Variants in PDE8B observed in about 807,000 individuals in gnomAD.
PDE8B encodes the protein phosphodiesterase 8B, also known as high affinity cAMP-specific and IBMX-insensitive 3',5'-cyclic phosphodiesterase 8B.
Under a neutral mutation model 101.3 loss-of-function variants are expected in PDE8B, and 26 were observed. The ratio of observed to expected loss-of-function variants is 0.26; its 90% CI spans 0.19 to 0.36. The LOEUF (loss-of-function observed/expected upper bound fraction) is 0.36, where lower values mean the gene tolerates loss of function less well. Among genes scored for constraint, PDE8B ranks in the 10% least tolerant of loss-of-function variants. The probability of loss-of-function intolerance (pLI) is 1.00; values close to 1 mark genes in which losing one functional copy is unlikely to be tolerated. For synonymous variants in PDE8B, 424 were observed against 429.3 expected (o/e 0.99, Z 0.15); for missense variants, 810 against 1,163.1 (o/e 0.70, Z 4.42).
chr5:77,130,945 C>T, the PDE8B span: 2 of 152,184 alleles, frequency 1.3e-5, no homozygotes, highest in Admixed American at 1.3e-4. Flanking sequence ...TCCACCCAGG[C>T]AGAAATCAGG....
the PDE8B span, among the ~76,000 whole-genome samples, chr5:77,177,704 C>T: frequency 1.3e-5 from 2 of 152,198 alleles, no homozygotes; most frequent in Non-Finnish European, 2.9e-5. Context: ...AATACCACAA[C>T]AGTAAAACTG....
At chr5:77,248,566 G>A (rs904851263) in intron 1 of PDE8B, among the ~76,000 whole-genome samples, 4 of 152,086 alleles carry the variant, frequency 2.6e-5, no homozygotes, top group Non-Finnish European at 4.4e-5. Flanking sequence ...GAAAAAGTCC[G>A]TGTGTACCTA....
intron 2 of PDE8B, among the ~76,000 whole-genome samples, chr5:77,315,350 G>C (rs1773574712): frequency 6.6e-6 from 1 of 152,100 alleles, no homozygotes; most frequent in Non-Finnish European, 1.5e-5. Context: ...GGGTGTCAAG[G>C]CTGATCCCCC....
chr5:77,364,650 G>A (rs938517765), intron 10 of PDE8B, among the ~76,000 whole-genome samples: 10 of 152,114 alleles, frequency 6.6e-5, no homozygotes, highest in African/African-American at 2.2e-4. Flanking sequence ...CATGTAAGGA[G>A]TGGCTTCAAC....
intron 1 of PDE8B, chr5:77,291,572 T>A: frequency 6.3e-7 from 1 of 1,598,922 alleles, no homozygotes; most frequent in East Asian, 2.2e-5. Context: ...TTACCAAAGA[T>A]CTGGGCAGAA....
At chr5:77,296,215 A>G (rs968712484) in intron 1 of PDE8B, among the ~76,000 whole-genome samples, 1 of 135,464 alleles carries the variant, frequency 7.4e-6, no homozygotes, top group African/African-American at 2.8e-5. Flanking sequence ...TTTCCTCCTC[A>G]TCTTCCTTCT....
At chr5:77,297,734 A>G (rs1768918417) in intron 1 of PDE8B, among the ~76,000 whole-genome samples, 2 of 152,184 alleles carry the variant, frequency 1.3e-5, no homozygotes, top group African/African-American at 2.4e-5. Context: ...CTCTAGCCAC[A>G]TGGTCTGTTC....
chr5:77,197,365 C>T, the PDE8B span, among the ~76,000 whole-genome samples: 1 of 151,960 alleles, frequency 6.6e-6, no homozygotes, highest in Non-Finnish European at 1.5e-5. Flanking sequence ...GATCCACCCA[C>T]CTTGGCCTCC....
chr5:77,197,972 T>G, the PDE8B span, among the ~76,000 whole-genome samples: 1 of 152,186 alleles, frequency 6.6e-6, no homozygotes, highest in African/African-American at 2.4e-5. Context: ...TCTATTGATT[T>G]TCCTTTTGAT....
At chr5:77,233,723 G>T (rs907773484) in intron 1 of PDE8B, among the ~76,000 whole-genome samples, 3 of 145,338 alleles carry the variant, frequency 2.1e-5, no homozygotes, top group South Asian at 2.3e-4. Flanking sequence ...GTTGCATTAG[G>T]TTAAATATGC....
At chr5:77,217,621 C>T (rs1176512914) in intron 1 of PDE8B, among the ~76,000 whole-genome samples, 4 of 151,942 alleles carry the variant, frequency 2.6e-5, no homozygotes, top group South Asian at 2.1e-4. Context: ...CTGCAACCTC[C>T]GCCTCCCAGG....
intron 1 of PDE8B, among the ~76,000 whole-genome samples, chr5:77,223,527 C>T (rs547845248): frequency 2.6e-5 from 4 of 151,836 alleles, no homozygotes; most frequent in East Asian, 3.9e-4. Flanking sequence ...GTTGGAAAAA[C>T]GGAGGAAGAA....
intron 10 of PDE8B, among the ~76,000 whole-genome samples, chr5:77,384,286 T>C (rs994850768): frequency 6.6e-6 from 1 of 152,036 alleles, no homozygotes; most frequent in African/African-American, 2.4e-5. Context: ...CTCTTTCTGT[T>C]ATTGGTGTAT....
At chr5:77,217,234 G>A (rs531664291) in intron 1 of PDE8B, among the ~76,000 whole-genome samples, 5 of 152,090 alleles carry the variant, frequency 3.3e-5, no homozygotes, top group Admixed American at 6.6e-5. Flanking sequence ...AAAGCCCAAG[G>A]GTGGAATGGG....
chr5:77,174,300 G>A, the PDE8B span, among the ~76,000 whole-genome samples: 1 of 152,074 alleles, frequency 6.6e-6, no homozygotes, highest in South Asian at 2.1e-4. Flanking sequence ...GGAGGTACCA[G>A]CATCCCCACT....
At chr5:77,175,879 A>G in the PDE8B span, among the ~76,000 whole-genome samples, 2 of 152,208 alleles carry the variant, frequency 1.3e-5, no homozygotes, top group Non-Finnish European at 2.9e-5. Flanking sequence ...ACGCACATAC[A>G]TATATATGTT....
chr5:77,092,610 T>C, the PDE8B span: 3 of 152,248 alleles, frequency 2.0e-5, no homozygotes, highest in Non-Finnish European at 4.4e-5. Flanking sequence ...CCTTGAAATC[T>C]GCTATCAGAA....
In PDE8B at chr5:77,408,644, A is replaced by C. The variant is rs141973698; in HGVS notation, c.1366-249A>C. Among the ~76,000 whole-genome samples, 359 of 152,258 alleles carry C rather than the reference A, an allele frequency of 2.4e-3. 2 individuals carry two copies. The highest frequency in any genetic ancestry group is 8.0e-3 in the African/African-American group (332 of 41,546). On this transcript the variant is annotated intron_variant, in intron 13 of 21. Coordinates refer to ENST00000264917, the MANE Select transcript of PDE8B (RefSeq NM_003719.5). The stretch of plus-strand genomic sequence containing the variant: ...ATCTCTGAGCAACTCCAATCTGTAG[A>C]GGAGGGCCAGGGGAGGTGAATCTGC...
chr5:77,155,138 C>CCT, the PDE8B span, among the ~76,000 whole-genome samples: 2 of 151,852 alleles, frequency 1.3e-5, no homozygotes, highest in Admixed American at 6.6e-5. Context: ...CTCTCTCCCT[C>CCT]CTCTCTCTCT....
Sources: allele counts gnomAD v4.1 joint callset (sites outside exome capture counted in the v4.1 genomes callset), GRCh38; gene constraint gnomAD v4.1.1; transcripts MANE v1.5; gene names NCBI Gene and HGNC (gene_info 2026-07-23, HGNC 2026-07-21).